The following MRPL45 variants were observed in gnomAD, a reference collection of about 807,000 sequenced individuals.
MRPL45 encodes large ribosomal subunit protein mL45.
MRPL45 carries 20 observed loss-of-function variants against 38.1 expected under a neutral mutation model. That is an observed-to-expected ratio of 0.53 (90% confidence interval 0.37 to 0.76). The LOEUF is 0.76. Among genes scored for constraint, MRPL45 ranks in the 30% least tolerant of loss-of-function variants. The probability of loss-of-function intolerance (pLI) is 0.00; values close to 1 mark genes in which losing one functional copy is unlikely to be tolerated. For missense variants in MRPL45, 337 were observed against 395.6 expected (o/e 0.85, Z 1.26); for synonymous variants, 105 against 128.8 (o/e 0.82, Z 1.25).
chr17:38,320,372 G>C (rs1024794760), intron 5 of MRPL45, among the ~76,000 whole-genome samples: 7 of 152,144 alleles, frequency 4.6e-5, no homozygotes, highest in Admixed American at 6.6e-5. Flanking sequence ...TTTAAAGAAG[G>C]GTCCTCAAAG....
rs564768456 is a variant in MRPL45, at chr17:38,299,339, C to T, written c.245-12C>T. Reference sequence around the variant, plus strand: ...TCAACACTTTCTTAATTTTTTTCTTCCTTTATTACAGCTGGTATATTTGAT... The same window carrying T: ...TCAACACTTTCTTAATTTTTTTCTTTCTTTATTACAGCTGGTATATTTGAT... On this transcript the variant is annotated splice_polypyrimidine_tract_variant and intron_variant, in intron 2 of 7. Coordinates refer to ENST00000613675, the MANE Select transcript of MRPL45 (RefSeq NM_032351.6). 8.6e-6 allele frequency: 13 copies of T among 1,514,524 alleles called. No homozygotes were observed. The East Asian group carries it at 1.8e-4, about 21-fold the overall frequency. 93.8% of individuals were successfully genotyped at this position (1,514,524 alleles called of 1,614,324 possible). A position where few individuals can be genotyped will look rare whatever the true frequency, so the allele number is the denominator to read the frequency against.
At chr17:38,318,076 C>T (rs781103181) in intron 4 of MRPL45, among the ~76,000 whole-genome samples, 5 of 151,772 alleles carry the variant, frequency 3.3e-5, no homozygotes, top group African/African-American at 9.7e-5. Flanking sequence ...GGCGTCATGA[C>T]GTGCACTTGT....
At chr17:38,320,347 T>A (rs921640230) in intron 5 of MRPL45, among the ~76,000 whole-genome samples, 1 of 152,156 alleles carries the variant, frequency 6.6e-6, no homozygotes, top group African/African-American at 2.4e-5. Flanking sequence ...CAGTTTGGAA[T>A]GTGGTTTTTG....
intron 4 of MRPL45, among the ~76,000 whole-genome samples, chr17:38,317,863 A>G (rs1303021995): frequency 6.6e-6 from 1 of 151,750 alleles, no homozygotes; most frequent in Non-Finnish European, 1.5e-5. Context: ...ATGAGCCACC[A>G]TGCCCGGCTG....
chr17:38,309,360 CAA>C (rs914771245), intron 4 of MRPL45, among the ~76,000 whole-genome samples: 1 of 146,306 alleles, frequency 6.8e-6, no homozygotes, highest in Non-Finnish European at 1.5e-5. Context: ...ACTAAAAATA[CAA>C]AAAAAAAATT....
At chr17:38,314,821 C>T (rs1299867216) in intron 4 of MRPL45, among the ~76,000 whole-genome samples, 5 of 152,200 alleles carry the variant, frequency 3.3e-5, no homozygotes, top group Admixed American at 2.6e-4. Flanking sequence ...CATGGGCCAC[C>T]GCCTGTCCTC....
chr17:38,306,733 T>C (rs1301587867), intron 4 of MRPL45, 102 bp downstream of exon 4: 13 of 1,450,568 alleles, frequency 9.0e-6, no homozygotes, highest in Non-Finnish European at 1.1e-5. Flanking sequence ...ACAAATTTGT[T>C]TTCTGCCTTC....
intron 3 of MRPL45, among the ~76,000 whole-genome samples, chr17:38,301,025 A>T (rs1194472902): frequency 6.6e-6 from 1 of 152,210 alleles, no homozygotes; most frequent in Admixed American, 6.5e-5. Context: ...TGTTAACCAA[A>T]GAATAAAATC....
In MRPL45 at chr17:38,322,558, AG is replaced by A; in HGVS notation, c.886del (p.Ala296HisfsTer10). 1.2e-6 allele frequency: 2 copies of A among 1,613,588 alleles called. No individual in the cohort carries two copies. The highest frequency in any genetic ancestry group is 1.7e-6 in the Non-Finnish European group (2 of 1,179,964). ...PQLKPEEEYE[E>X]AQGEAQKPQL... ...CTGAAACCAGAAGAAGAATATGAAG[AG>A]GCACAAGGAGAGGCCCAGAAGCCTC... On this transcript the variant is annotated frameshift_variant, in exon 8 of 8. Transcript: ENST00000613675. LOFTEE classifies it high-confidence loss of function.
At chr17:38,308,504 G>C (rs1410889261) in intron 4 of MRPL45, among the ~76,000 whole-genome samples, 3 of 150,878 alleles carry the variant, frequency 2.0e-5, no homozygotes, top group Non-Finnish European at 3.0e-5. Context: ...GCAGTGACGT[G>C]ATCTTGGCTC....
chr17:38,314,337 C>T (rs913794773), intron 4 of MRPL45, among the ~76,000 whole-genome samples: 7 of 152,298 alleles, frequency 4.6e-5, no homozygotes, highest in East Asian at 1.9e-4. Flanking sequence ...TTCCCGACCT[C>T]GGGTGATCCA....
chr17:38,313,368 G>GTATATATATATATATACGTATA (rs2037143209), intron 4 of MRPL45, among the ~76,000 whole-genome samples: 1 of 17,040 alleles, frequency 5.9e-5, no homozygotes, highest in African/African-American at 2.8e-4. Flanking sequence ...ATATATATAC[G>GTATATATATATATATACGTATA]TATATATATA....
chr17:38,306,131 C>T (rs1180426392), intron 3 of MRPL45, among the ~76,000 whole-genome samples: 3 of 151,222 alleles, frequency 2.0e-5, no homozygotes, highest in African/African-American at 4.9e-5. Context: ...AATTATTGGC[C>T]GGGCGTGGTA....
chr17:38,318,466 A>G, intron 4 of MRPL45, among the ~76,000 whole-genome samples: 1 of 151,706 alleles, frequency 6.6e-6, no homozygotes, highest in Admixed American at 6.6e-5. Context: ...TATTTGTAAT[A>G]TAATTTTATT....
At chr17:38,305,181 C>T (rs1186481229) in intron 3 of MRPL45, among the ~76,000 whole-genome samples, 1 of 139,646 alleles carries the variant, frequency 7.2e-6, no homozygotes, top group African/African-American at 2.5e-5. Context: ...TTAGGAAGCC[C>T]AGTGTTGCCA....
chr17:38,303,515 C>T (rs1597646066), intron 3 of MRPL45, among the ~76,000 whole-genome samples: 3 of 151,636 alleles, frequency 2.0e-5, no homozygotes, highest in African/African-American at 4.8e-5. Flanking sequence ...AGGCTGGTCT[C>T]GAACTCCTGA....
At chr17:38,320,010 A>T (rs1403556281) in intron 5 of MRPL45, among the ~76,000 whole-genome samples, 1 of 152,126 alleles carries the variant, frequency 6.6e-6, no homozygotes, top group Non-Finnish European at 1.5e-5. Context: ...AGCTGAGGCA[A>T]GAGAATGGCG....
chr17:38,313,309 A>T lies in MRPL45; in HGVS notation c.462-5378A>T, dbSNP rs867351190. Among the ~76,000 whole-genome samples the T allele has an allele frequency of 4.7e-3, 93 of 19,614 alleles. 3 individuals are homozygous for T. Among genetic ancestry groups the T allele is most frequent in the African/African-American group, 0.019 (76 of 3,948 alleles). The allele number at this position is 19,614 out of a possible 152,430, so 12.9% of individuals were successfully genotyped here. On this transcript the variant is annotated intron_variant, in intron 4 of 7. Coordinates refer to ENST00000613675, the MANE Select transcript of MRPL45 (RefSeq NM_032351.6). ...CTTTCCTTTCTATTAAAAAAAAAAA[A>T]AAATATATATATATATATATATACA...
chr17:38,320,864 C>T (rs930881732), intron 6 of MRPL45, 97 bp downstream of exon 6: 2 of 1,199,104 alleles, frequency 1.7e-6, no homozygotes, highest in African/African-American at 3.0e-5. Context: ...GGACTGTAGA[C>T]AGTAATAAAA....
Sources: allele counts gnomAD v4.1 joint callset (sites outside exome capture counted in the v4.1 genomes callset), GRCh38; gene constraint gnomAD v4.1.1; transcripts MANE v1.5; gene names NCBI Gene and HGNC (gene_info 2026-07-23, HGNC 2026-07-21).